DDI2: variants seen among roughly 807,000 people sequenced by gnomAD.
The protein encoded by DDI2 is protein DDI1 homolog 2.
Under a neutral mutation model 48.1 loss-of-function variants are expected in DDI2, and 5 were observed. That is an observed-to-expected ratio of 0.10 (90% confidence interval 0.05 to 0.22). The LOEUF (loss-of-function observed/expected upper bound fraction) is 0.22. DDI2 is among the 10% of genes least tolerant of loss of function. The pLI is 1.00. For missense variants in DDI2, 285 were observed against 506.2 expected (o/e 0.56, Z 4.19); for synonymous variants, 205 against 183.6 (o/e 1.12, Z -0.94).
At chr1:15,644,512 C>G (rs1640055587) in intron 6 of DDI2, among the ~76,000 whole-genome samples, 1 of 150,326 alleles carries the variant, frequency 6.7e-6, no homozygotes, top group Non-Finnish European at 1.5e-5. Flanking sequence ...GTCAGTGTTG[C>G]TGTAGTGAGG....
At chr1:15,641,956 A>G (rs1350373339) in intron 5 of DDI2, among the ~76,000 whole-genome samples, 1 of 58,870 alleles carries the variant, frequency 1.7e-5, no homozygotes, top group African/African-American at 2.3e-4. Flanking sequence ...ATTCAGTCTC[A>G]AAAAAAAAAA....
intron 4 of DDI2, chr1:15,633,843 A>G (rs1376910783): frequency 2.1e-6 from 1 of 475,172 alleles, no homozygotes; most frequent in Non-Finnish European, 4.2e-6. Flanking sequence ...ACAGCTTTAG[A>G]TAAATGACCC....
At position 15,660,146 on chromosome 1, in the gene DDI2, C is replaced by CAGCT. The variant is rs755117080; in HGVS notation, c.*358_*361dup. 1.5e-5 allele frequency: 25 copies of CAGCT among 1,614,110 alleles called. No homozygotes were observed. Among genetic ancestry groups the CAGCT allele is most frequent in the Non-Finnish European group, 1.4e-5 (16 of 1,180,050 alleles). On this transcript the variant is annotated 3_prime_UTR_variant, in exon 10 of 10. Transcript: ENST00000480945. The stretch of plus-strand genomic sequence containing the variant: ...GACCATGCTCCAACAGACCAGAGTC[C>CAGCT]AGCTATGCCTATGCAGAATTCATCC...
intron 5 of DDI2, among the ~76,000 whole-genome samples, chr1:15,640,404 G>C (rs978166737): frequency 6.6e-6 from 1 of 152,136 alleles, no homozygotes; most frequent in Non-Finnish European, 1.5e-5. Context: ...TACACATAAG[G>C]AAACTTAGAG....
chr1:15,635,632 T>G (rs547375504), intron 4 of DDI2, among the ~76,000 whole-genome samples: 26 of 152,292 alleles, frequency 1.7e-4, no homozygotes, highest in African/African-American at 6.3e-4. Context: ...CTCAAACTCC[T>G]GACCTCAGGT....
At chr1:15,642,200 T>C (rs1205103193) in intron 5 of DDI2, among the ~76,000 whole-genome samples, 1 of 152,128 alleles carries the variant, frequency 6.6e-6, no homozygotes, top group Admixed American at 6.5e-5. Flanking sequence ...TGCACAAGAA[T>C]GTAGAACTAG....
intron 1 of DDI2, among the ~76,000 whole-genome samples, chr1:15,621,697 A>T (rs576215086): frequency 4.6e-5 from 7 of 152,138 alleles, no homozygotes; most frequent in Non-Finnish European, 1.0e-4. Context: ...CAAATTGATA[A>T]TTTTAAAGGC....
intron 4 of DDI2, 119 bp from the exon 5 acceptor site, chr1:15,638,188 G>A (rs975077084): frequency 2.5e-5 from 36 of 1,426,514 alleles, no homozygotes; most frequent in Non-Finnish European, 3.2e-5. Flanking sequence ...TCTATGACTC[G>A]GCTGCTGTGC....
At position 15,633,642 on chromosome 1, in the gene DDI2, G is replaced by A. The variant is rs1296559750; in HGVS notation, c.632+77G>A. 3 of 1,584,564 alleles carry A rather than the reference G, an allele frequency of 1.9e-6. No homozygotes were observed. In the South Asian group the frequency reaches 3.4e-5, roughly 18 times the overall value. ...GACTGCAGGTTATCTGACATTGGTT[G>A]GGCATCTGCTTGGAGGTAGCTTCTC... is the stretch of plus-strand genomic sequence containing the variant. On this transcript the variant is annotated intron_variant, in intron 4 of 9. Coordinates refer to ENST00000480945, the MANE Select transcript of DDI2 (RefSeq NM_032341.5).
In DDI2 at chr1:15,660,959, T is replaced by C. The variant is rs768176368; in HGVS notation, c.*1169T>C. The C allele has an allele frequency of 1.2e-6, 2 of 1,613,590 alleles. No homozygotes were observed. The highest frequency in any genetic ancestry group is 2.2e-5 in the South Asian group (2 of 90,970). The stretch of plus-strand genomic sequence containing the variant: ...TTGAAAGAACTTCATGAACTTTTGG[T>C]TGTTAGCAGTAAACCAGCTTCAGAA... On this transcript the variant is annotated 3_prime_UTR_variant, in exon 10 of 10. Coordinates refer to ENST00000480945, the MANE Select transcript of DDI2 (RefSeq NM_032341.5).
rs1639880172 is a variant in DDI2, at chr1:15,633,568, A to G, written c.632+3A>G. On this transcript the variant is annotated splice_donor_region_variant and intron_variant, in intron 4 of 9. Transcript: ENST00000480945. The stretch of plus-strand genomic sequence containing the variant: ...GCAAAGATAGAAGAAGATATAAGGT[A>G]AAGACCTGTTCATCTAAAGAACAAA... 4.3e-6 allele frequency: 7 copies of G among 1,611,562 alleles called. No homozygotes were observed. The highest frequency in any genetic ancestry group is 5.9e-6 in the Non-Finnish European group (7 of 1,178,510).
In DDI2 at chr1:15,667,792, A is replaced by G. The variant is rs1640477807; in HGVS notation, c.*8002A>G. ...TGACTTCTGAGGTTTACAGTTAGAA[A>G]ATGTTCTCAAAGGTTTATCAGTTAT... On this transcript the variant is annotated 3_prime_UTR_variant, in exon 10 of 10. Coordinates refer to ENST00000480945, the MANE Select transcript of DDI2 (RefSeq NM_032341.5). 1 of 152,212 alleles carries G rather than the reference A, an allele frequency of 6.6e-6. No individual in the cohort carries two copies. Among genetic ancestry groups the G allele is most frequent in the African/African-American group, 2.4e-5 (1 of 41,458 alleles). 9.4% of individuals were successfully genotyped at this position (152,212 alleles called of 1,614,324 possible).
intron 1 of DDI2, among the ~76,000 whole-genome samples, chr1:15,623,005 TGTG>T (rs1639694403): frequency 6.6e-6 from 1 of 152,146 alleles, no homozygotes; most frequent in East Asian, 1.9e-4. Context: ...ACATGCTCAA[TGTG>T]GTGGTTATCT....
At chr1:15,639,695 C>G (rs774270150) in intron 5 of DDI2, among the ~76,000 whole-genome samples, 5 of 152,124 alleles carry the variant, frequency 3.3e-5, no homozygotes, top group Non-Finnish European at 5.9e-5. Flanking sequence ...AACTCCTGGC[C>G]TCAACTCTCA....
In DDI2 at chr1:15,617,619, G is replaced by T. The variant is rs1218739127; in HGVS notation, c.-52G>T. 19 of 1,290,160 alleles carry T rather than the reference G, an allele frequency of 1.5e-5. No homozygotes were observed. Among genetic ancestry groups the T allele is most frequent in the Non-Finnish European group, 1.9e-5 (19 of 1,012,600 alleles). 79.9% of individuals were successfully genotyped at this position (1,290,160 alleles called of 1,614,324 possible). A position where few individuals can be genotyped will look rare whatever the true frequency, so the allele number is the denominator to read the frequency against. The stretch of plus-strand genomic sequence containing the variant: ...GCCACGCCGCCGCCTCTTCCCCTGC[G>T]CCCCGCGCCCAGGCCGGGCCGAGCC... On this transcript the variant is annotated 5_prime_UTR_variant, in exon 1 of 10. Transcript: ENST00000480945.
At chr1:15,638,780 C>T (rs539379659) in intron 5 of DDI2, among the ~76,000 whole-genome samples, 6 of 152,192 alleles carry the variant, frequency 3.9e-5, no homozygotes, top group Admixed American at 1.3e-4. Flanking sequence ...AGTGATCCAC[C>T]GTGCCTGGCC....
intron 9 of DDI2, 36 bp from the exon 10 acceptor site, chr1:15,659,801 A>G (rs1640332554): frequency 1.1e-5 from 17 of 1,481,368 alleles, no homozygotes; most frequent in Non-Finnish European, 1.4e-5. Context: ...GTCACCTGCT[A>G]ATTAATCTTT....
rs1156839649 is a variant in DDI2 at position 15,660,309 on chromosome 1, A to G, written c.*519A>G. On this transcript the variant is annotated 3_prime_UTR_variant, in exon 10 of 10. Transcript: ENST00000480945. ...GGATGCATGAACCACAGATGTTTCT[A>G]GGTGAAAAGGATTGGCATCCAGAAA... 2 of 1,614,202 alleles carry G rather than the reference A, an allele frequency of 1.2e-6. No homozygotes were observed. The highest frequency in any genetic ancestry group is 2.7e-5 in the African/African-American group (2 of 75,056).
At chr1:15,651,532 T>C (rs971175947) in intron 7 of DDI2, among the ~76,000 whole-genome samples, 174 bp from the exon 8 acceptor site, 3 of 152,164 alleles carry the variant, frequency 2.0e-5, no homozygotes, top group African/African-American at 7.2e-5. Flanking sequence ...TTGGCCAGGC[T>C]GGTCTGGAAC....
Sources: gnomAD v4.1 joint callset for allele counts (sites outside exome capture counted in the v4.1 genomes callset) on GRCh38, gnomAD v4.1.1 for gene constraint, MANE v1.5 for transcripts, NCBI Gene and HGNC (gene_info 2026-07-23, HGNC 2026-07-21) for gene names.